The following CDYL variants were observed in gnomAD, a reference collection of about 807,000 sequenced individuals.
CDYL encodes chromodomain Y-like protein.
Under a neutral mutation model 47.3 loss-of-function variants are expected in CDYL, and 8 were observed. The ratio of observed to expected loss-of-function variants is 0.17; its 90% CI spans 0.10 to 0.31. The LOEUF (loss-of-function observed/expected upper bound fraction) is 0.31, where lower values mean the gene tolerates loss of function less well. CDYL is among the 10% of genes least tolerant of loss of function. CDYL has a pLI of 1.00. For synonymous variants in CDYL, 266 were observed against 265.0 expected (o/e 1.00, Z -0.04); for missense variants, 471 against 701.4 (o/e 0.67, Z 3.71).
chr6:4,741,226 C>G (rs985216486), intron 3 of CDYL, among the ~76,000 whole-genome samples: 45 of 152,118 alleles, frequency 3.0e-4, no homozygotes, highest in Non-Finnish European at 8.8e-5. Flanking sequence ...TCTTTTCAAC[C>G]TCCCAGGAAA....
intron 1 of CDYL, among the ~76,000 whole-genome samples, chr6:4,781,205 GT>G (rs1758609867): frequency 6.6e-6 from 1 of 152,208 alleles, no homozygotes; most frequent in African/African-American, 2.4e-5. Context: ...GCAGGGGAAG[GT>G]AGGTCTTTTG....
Position 4,930,627 on chromosome 6 carries a change from C to T in CDYL, c.692-4888C>T, listed in dbSNP as rs144304690. Reference sequence around the variant, plus strand: ...TCAGTGGCAGGTGAAGAAGTACAGACGCTGTTCTCTTTAGGTGGGAAGAGG... The same window carrying T: ...TCAGTGGCAGGTGAAGAAGTACAGATGCTGTTCTCTTTAGGTGGGAAGAGG... On this transcript the variant is annotated intron_variant, in intron 2 of 6. Coordinates refer to ENST00000397588, the MANE Select transcript of CDYL (RefSeq NM_004824.4). 4.9e-4 allele frequency among the ~76,000 whole-genome samples: 75 copies of T among 152,292 alleles called. No individual in the cohort carries two copies. In the East Asian group the frequency reaches 0.012, roughly 24 times the overall value.
intron 1 of CDYL, among the ~76,000 whole-genome samples, chr6:4,791,831 T>C (rs1402176578): frequency 6.6e-6 from 1 of 151,986 alleles, no homozygotes; most frequent in Non-Finnish European, 1.5e-5. Context: ...CAGAATCGTA[T>C]GCATGGTATT....
At chr6:4,931,518 A>G (rs6937699) in intron 2 of CDYL, among the ~76,000 whole-genome samples, 147,726 of 152,238 alleles carry the variant, frequency 0.97, 71,842 homozygotes, top group East Asian at 1. Context: ...ACCCTGGGTG[A>G]CATGAGAACC....
At chr6:4,707,356 C>T (rs1391892114) in intron 1 of CDYL, among the ~76,000 whole-genome samples, 1 of 152,198 alleles carries the variant, frequency 6.6e-6, no homozygotes, top group Admixed American at 6.5e-5. Flanking sequence ...TGGCCCACTG[C>T]AAACTCTGTC....
In CDYL at chr6:4,823,614, C is replaced by G. The variant is rs138790441; in HGVS notation, c.24+46807C>G. Among the ~76,000 whole-genome samples the G allele has an allele frequency of 8.6e-3, 1,314 of 151,912 alleles. 8 individuals are homozygous for G. The highest frequency in any genetic ancestry group is 0.037 in the Middle Eastern group (11 of 294). On this transcript the variant is annotated intron_variant, in intron 1 of 6. Coordinates refer to ENST00000397588, the MANE Select transcript of CDYL (RefSeq NM_004824.4). Reference sequence around the variant, plus strand: ...CTTTGTAACCGTAAAATGTATGTAACCTAACATTTGCCATTATAACCATTT... The same window carrying G: ...CTTTGTAACCGTAAAATGTATGTAAGCTAACATTTGCCATTATAACCATTT...
chr6:4,881,592 A>G (rs143459091), intron 1 of CDYL, among the ~76,000 whole-genome samples: 3 of 152,318 alleles, frequency 2.0e-5, no homozygotes, highest in Non-Finnish European at 4.4e-5. Flanking sequence ...GTATAATTCA[A>G]TTGAGTTTTC....
intron 3 of CDYL, among the ~76,000 whole-genome samples, chr6:4,751,430 T>C (rs180803825): frequency 2.8e-4 from 42 of 152,352 alleles, no homozygotes; most frequent in African/African-American, 9.6e-4. Context: ...CTTCAGTCTT[T>C]CAAAAGTGTG....
At chr6:4,708,214 G>A (rs954137140) in intron 1 of CDYL, among the ~76,000 whole-genome samples, 1 of 151,808 alleles carries the variant, frequency 6.6e-6, no homozygotes, top group African/African-American at 2.4e-5. Context: ...ATCTTGCTCT[G>A]TCACCCAGGC....
intron 1 of CDYL, 113 bp from the exon 2 acceptor site, chr6:4,891,600 T>C: frequency 1.3e-6 from 1 of 789,280 alleles, no homozygotes; most frequent in Non-Finnish European, 2.0e-6. Context: ...GCAGAAGAGA[T>C]CATTTTATCA....
intron 4 of CDYL, among the ~76,000 whole-genome samples, chr6:4,941,890 C>G (rs959568598): frequency 4.7e-4 from 71 of 152,174 alleles, no homozygotes; most frequent in African/African-American, 1.7e-3. Flanking sequence ...GAAATTGGAG[C>G]TACTCAGATT....
chr6:4,727,458 G>A (rs1757534680), intron 2 of CDYL, among the ~76,000 whole-genome samples: 2 of 152,122 alleles, frequency 1.3e-5, no homozygotes, highest in African/African-American at 2.4e-5. Flanking sequence ...AGGAGCATGA[G>A]TTAGGACAGA....
chr6:4,892,823 G>A (rs754892547), intron 2 of CDYL, among the ~76,000 whole-genome samples: 7 of 152,212 alleles, frequency 4.6e-5, no homozygotes, highest in African/African-American at 1.7e-4. Context: ...CTTTCAGTGG[G>A]AGCGTTGCTA....
chr6:4,926,114 A>G (rs967480181), intron 2 of CDYL, among the ~76,000 whole-genome samples: 1 of 152,218 alleles, frequency 6.6e-6, no homozygotes, highest in African/African-American at 2.4e-5. Context: ...CTGGAAGTGA[A>G]GGAGTTAGAG....
intron 1 of CDYL, among the ~76,000 whole-genome samples, chr6:4,819,162 C>CTCTCTCTCTCTCTG (rs1016051589): frequency 3.6e-4 from 40 of 111,986 alleles, no homozygotes; most frequent in Non-Finnish European, 4.4e-4. Context: ...CTCTCTCTCT[C>CTCTCTCTCTCTCTG]TGTGTGTGTG....
At chr6:4,857,349 CAA>C (rs1761039905) in intron 1 of CDYL, among the ~76,000 whole-genome samples, 1 of 152,162 alleles carries the variant, frequency 6.6e-6, no homozygotes, top group African/African-American at 2.4e-5. Flanking sequence ...ACATTAATAA[CAA>C]TGCGTTTTTA....
intron 3 of CDYL, among the ~76,000 whole-genome samples, chr6:4,754,530 T>C (rs1299870780): frequency 6.6e-6 from 1 of 152,136 alleles, no homozygotes; most frequent in Middle Eastern, 3.4e-3. Context: ...GGACAAAGAG[T>C]GGTTGAAGTT....
intron 2 of CDYL, among the ~76,000 whole-genome samples, chr6:4,909,557 A>G (rs555685474): frequency 6.6e-6 from 1 of 152,126 alleles, no homozygotes; most frequent in East Asian, 1.9e-4. Flanking sequence ...TGTACTTGAG[A>G]TAAAATTCAT....
At chr6:4,846,335 A>C (rs543810491) in intron 1 of CDYL, among the ~76,000 whole-genome samples, 1 of 152,352 alleles carries the variant, frequency 6.6e-6, no homozygotes, top group South Asian at 2.1e-4. Context: ...TGAGAAACGG[A>C]AATGTAGTAC....
Sources: gnomAD v4.1 joint callset for allele counts (sites outside exome capture counted in the v4.1 genomes callset) on GRCh38, gnomAD v4.1.1 for gene constraint, MANE v1.5 for transcripts, NCBI Gene and HGNC (gene_info 2026-07-23, HGNC 2026-07-21) for gene names.